Variants in ZNF277 observed in about 807,000 individuals in gnomAD.
ZNF277 encodes zinc finger protein 277.
In ZNF277, 55 loss-of-function variants were observed where a neutral mutation model predicts 60.7. The observed-to-expected ratio is 0.91, with a 90% confidence interval of 0.73 to 1.13. ZNF277 has a LOEUF of 1.13. Among genes scored for constraint, ZNF277 ranks in the 50% most tolerant of loss-of-function variants. The pLI is 0.00. For synonymous variants in ZNF277, 178 were observed against 179.3 expected, an observed-to-expected ratio of 0.99 and a Z score of 0.06; for missense variants, 510 against 523.0, an observed-to-expected ratio of 0.98 and a Z score of 0.24.
At chr7:112,282,272 C>T (rs1302954169) in intron 1 of ZNF277, among the ~76,000 whole-genome samples, 1 of 152,248 alleles carries the variant, frequency 6.6e-6, no homozygotes, top group African/African-American at 2.4e-5. Flanking sequence ...GCCAAGCCCA[C>T]AGGAGAACCT....
chr7:112,263,626 C>T (rs771195473), intron 1 of ZNF277, among the ~76,000 whole-genome samples: 10 of 152,150 alleles, frequency 6.6e-5, no homozygotes, highest in Non-Finnish European at 1.2e-4. Context: ...TCTCACTCCT[C>T]AGTGTTATAC....
chr7:112,337,942 G>A (rs1793365401), intron 9 of ZNF277, 116 bp downstream of exon 9: 4 of 824,042 alleles, frequency 4.9e-6, no homozygotes, highest in Non-Finnish European at 7.4e-6. Flanking sequence ...AACCAGAAGA[G>A]ACAGGCCAGG....
chr7:112,216,018 G>A (rs1039280588), intron 1 of ZNF277, among the ~76,000 whole-genome samples: 4 of 152,160 alleles, frequency 2.6e-5, no homozygotes. Context: ...CATCAATCAA[G>A]CTGTCTTTGC....
intron 1 of ZNF277, among the ~76,000 whole-genome samples, chr7:112,282,397 G>A (rs1232352656): frequency 1.3e-5 from 2 of 152,194 alleles, no homozygotes; most frequent in African/African-American, 4.8e-5. Flanking sequence ...GCTCAAGTGA[G>A]TACATTTAAA....
chr7:112,340,818 GC>G, intron 10 of ZNF277, 53 bp from the exon 11 acceptor site: 3 of 1,515,462 alleles, frequency 2.0e-6, no homozygotes, highest in Non-Finnish European at 2.7e-6. Context: ...TTATAATAGT[GC>G]AAAAAATGGG....
chr7:112,281,002 A>G (rs1044699732), intron 1 of ZNF277, among the ~76,000 whole-genome samples: 2 of 152,200 alleles, frequency 1.3e-5, no homozygotes, highest in African/African-American at 4.8e-5. Flanking sequence ...CTGTCAGACA[A>G]ATCTTACTGA....
At chr7:112,220,333 C>T (rs1319287946) in intron 1 of ZNF277, among the ~76,000 whole-genome samples, 4 of 139,040 alleles carry the variant, frequency 2.9e-5, no homozygotes, top group African/African-American at 5.3e-5. Context: ...TTTTTTAATT[C>T]GTATGTTAGT....
intron 1 of ZNF277, among the ~76,000 whole-genome samples, chr7:112,268,080 A>T (rs1295777499): frequency 6.6e-6 from 1 of 152,178 alleles, no homozygotes; most frequent in Non-Finnish European, 1.5e-5. Flanking sequence ...TTTTCCTATA[A>T]ATCAAATCCA....
chr7:112,265,103 G>A (rs1223719469), intron 1 of ZNF277, among the ~76,000 whole-genome samples: 1 of 152,168 alleles, frequency 6.6e-6, no homozygotes, highest in Non-Finnish European at 1.5e-5. Flanking sequence ...GTTCAGTGGA[G>A]TAGCACTTTC....
chr7:112,253,207 C>G (rs971440384), intron 1 of ZNF277, among the ~76,000 whole-genome samples: 2 of 152,040 alleles, frequency 1.3e-5, no homozygotes, highest in African/African-American at 2.4e-5. Flanking sequence ...AAATCTTGGT[C>G]CTCTGTTGTC....
At chr7:112,211,025 C>T (rs1213589637) in intron 1 of ZNF277, among the ~76,000 whole-genome samples, 1 of 152,152 alleles carries the variant, frequency 6.6e-6, no homozygotes. Flanking sequence ...TTGTAATATT[C>T]TGTCAAAGTC....
chr7:112,208,983 A>G (rs1272694513), intron 1 of ZNF277, among the ~76,000 whole-genome samples: 2 of 152,040 alleles, frequency 1.3e-5, no homozygotes, highest in African/African-American at 4.8e-5. Context: ...CCGGCCTATG[A>G]TTTGATTTTT....
At chr7:112,260,408 A>G (rs1317188695) in intron 1 of ZNF277, among the ~76,000 whole-genome samples, 1 of 152,208 alleles carries the variant, frequency 6.6e-6, no homozygotes, top group Non-Finnish European at 1.5e-5. Context: ...TTTACAAATG[A>G]GTATCATATT....
intron 1 of ZNF277, among the ~76,000 whole-genome samples, chr7:112,237,486 G>A (rs950734046): frequency 6.6e-6 from 1 of 151,942 alleles, no homozygotes; most frequent in Non-Finnish European, 1.5e-5. Context: ...CAAGAAGAGA[G>A]AAATTCAAAT....
At chr7:112,292,641 T>C (rs1792235678) in intron 2 of ZNF277, among the ~76,000 whole-genome samples, 1 of 152,184 alleles carries the variant, frequency 6.6e-6, no homozygotes, top group Non-Finnish European at 1.5e-5. Flanking sequence ...CTAGAGGAAC[T>C]GTGTTGTAGA....
At chr7:112,335,977 G>C in intron 7 of ZNF277, 127 bp from the exon 8 acceptor site, 1 of 671,720 alleles carries the variant, frequency 1.5e-6, no homozygotes. Flanking sequence ...TACTTGTACT[G>C]TTTCAAAACC....
At chr7:112,309,914 G>C (rs1003065905) in intron 4 of ZNF277, among the ~76,000 whole-genome samples, 15 of 152,062 alleles carry the variant, frequency 9.9e-5, no homozygotes, top group Admixed American at 7.2e-4. Flanking sequence ...CAAACAGAGA[G>C]ACGCATAGGA....
At chr7:112,270,457 G>C (rs769279684) in intron 1 of ZNF277, among the ~76,000 whole-genome samples, 50 of 152,036 alleles carry the variant, frequency 3.3e-4, no homozygotes, top group Non-Finnish European at 6.9e-4. Flanking sequence ...GCTGAGGCTT[G>C]CTTTTAATAA....
At chr7:112,246,936 C>T (rs1431182596) in intron 1 of ZNF277, among the ~76,000 whole-genome samples, 1 of 152,186 alleles carries the variant, frequency 6.6e-6, no homozygotes, top group Non-Finnish European at 1.5e-5. Context: ...TTAAATGAGA[C>T]TGCAGTCATG....
Sources: allele counts gnomAD v4.1 joint callset (sites outside exome capture counted in the v4.1 genomes callset), GRCh38; gene constraint gnomAD v4.1.1; transcripts MANE v1.5; gene names NCBI Gene and HGNC (gene_info 2026-07-23, HGNC 2026-07-21).